MECOM: variants seen among roughly 807,000 people sequenced by gnomAD.
The protein encoded by MECOM is MDS1 and EVI1 complex locus, also known as histone-lysine N-methyltransferase MECOM.
Under a neutral mutation model 116.3 loss-of-function variants are expected in MECOM, and 13 were observed. The observed-to-expected ratio is 0.11, with a 90% CI of 0.07 to 0.18. MECOM has a LOEUF of 0.18. MECOM is among the 10% of genes least tolerant of loss of function. MECOM has a pLI of 1.00. For missense variants in MECOM, 1,299 were observed against 1,509.0 expected, an observed-to-expected ratio of 0.86 and a Z score of 2.31; for synonymous variants, 528 against 535.2, an observed-to-expected ratio of 0.99 and a Z score of 0.19.
chr3:169,255,433 G>A (rs894981734), intron 2 of MECOM, among the ~76,000 whole-genome samples: 106 of 151,896 alleles, frequency 7.0e-4, no homozygotes, highest in African/African-American at 2.4e-3. Flanking sequence ...CTCTCATAGC[G>A]AGGAACATAG....
At chr3:169,476,990 T>A (rs1750499662) in intron 1 of MECOM, 1 of 150,718 alleles carries the variant, frequency 6.6e-6, no homozygotes, top group African/African-American at 2.4e-5. Context: ...TACCTGCTGC[T>A]ATGGATAAAA....
intron 2 of MECOM, among the ~76,000 whole-genome samples, chr3:169,149,083 T>C (rs946016100): frequency 1.3e-5 from 2 of 151,402 alleles, no homozygotes; most frequent in Non-Finnish European, 2.9e-5. Context: ...CTTTCTTTTT[T>C]TTTTTTTTTT....
At chr3:169,244,684 A>G (rs1487592326) in intron 2 of MECOM, among the ~76,000 whole-genome samples, 1 of 152,214 alleles carries the variant, frequency 6.6e-6, no homozygotes, top group African/African-American at 2.4e-5. Flanking sequence ...AGAACCTACC[A>G]GAGTCTGTGA....
At chr3:169,143,488 T>C (rs1182416890) in intron 3 of MECOM, among the ~76,000 whole-genome samples, 3 of 152,156 alleles carry the variant, frequency 2.0e-5, no homozygotes, top group Non-Finnish European at 4.4e-5. Flanking sequence ...AGGATACTAG[T>C]ACAAACTGAA....
intron 1 of MECOM, among the ~76,000 whole-genome samples, chr3:169,581,017 C>A (rs1765065578): frequency 6.6e-6 from 1 of 152,118 alleles, no homozygotes; most frequent in African/African-American, 2.4e-5. Flanking sequence ...AACACCAACA[C>A]CAACACCAGA....
intron 2 of MECOM, among the ~76,000 whole-genome samples, chr3:169,340,356 A>G (rs193083455): frequency 1.3e-5 from 2 of 152,276 alleles, no homozygotes; most frequent in Admixed American, 1.3e-4. Flanking sequence ...TCCACCTTCA[A>G]ATAGGCTCTG....
At chr3:169,629,201 A>G (rs987840979) in intron 1 of MECOM, among the ~76,000 whole-genome samples, 2 of 149,874 alleles carry the variant, frequency 1.3e-5, no homozygotes, top group African/African-American at 4.9e-5. Flanking sequence ...TGGTATATTT[A>G]TGATGTTTAC....
At chr3:169,531,610 T>C (rs1758638900) in intron 1 of MECOM, among the ~76,000 whole-genome samples, 1 of 152,144 alleles carries the variant, frequency 6.6e-6, no homozygotes, top group African/African-American at 2.4e-5. Flanking sequence ...TAACTCCTGG[T>C]ACAAGTGCGC....
chr3:169,239,228 T>C (rs1195513494), intron 2 of MECOM, among the ~76,000 whole-genome samples: 2 of 152,136 alleles, frequency 1.3e-5, no homozygotes, highest in Admixed American at 1.3e-4. Context: ...GTAATCAAAA[T>C]AGTCAGATAT....
At chr3:169,097,335 T>C (rs922255118) in intron 12 of MECOM, among the ~76,000 whole-genome samples, 1 of 152,094 alleles carries the variant, frequency 6.6e-6, no homozygotes, top group Non-Finnish European at 1.5e-5. Context: ...GCTAAAGTCT[T>C]GGCCAGAAAA....
intron 2 of MECOM, among the ~76,000 whole-genome samples, chr3:169,340,182 C>G (rs1247375904): frequency 2.0e-5 from 3 of 152,124 alleles, no homozygotes; most frequent in African/African-American, 7.2e-5. Context: ...AAATGCATCA[C>G]AAACAAAAAT....
chr3:169,637,648 C>G (rs890841157), intron 1 of MECOM, among the ~76,000 whole-genome samples: 3 of 152,220 alleles, frequency 2.0e-5, no homozygotes, highest in African/African-American at 7.2e-5. Context: ...TCTTACGTAA[C>G]TGCAAATTCA....
intron 1 of MECOM, among the ~76,000 whole-genome samples, chr3:169,490,644 C>A (rs555373849): frequency 6.6e-6 from 1 of 151,862 alleles, no homozygotes; most frequent in African/African-American, 2.4e-5. Context: ...TAAAACATGC[C>A]AAAAGAGAAT....
chr3:169,088,328 G>A (rs1228466467), intron 16 of MECOM, among the ~76,000 whole-genome samples: 1 of 152,110 alleles, frequency 6.6e-6, no homozygotes, highest in Non-Finnish European at 1.5e-5. Context: ...TCTTTTAATT[G>A]CTATTTATGG....
In MECOM at chr3:169,312,493, C is replaced by T. The variant is rs112204170; in HGVS notation, c.375+68694G>A. Among the ~76,000 whole-genome samples the T allele has an allele frequency of 2.0e-3, 304 of 151,800 alleles. 1 individual carries two copies. The Middle Eastern group carries it at 0.021, about 10-fold the overall frequency. ...ACGCCATTCTCCTGCCTCAGCCTCC[C>T]GAGTAGCTGGGACCACAGGTGCCCG... On this transcript the variant is annotated intron_variant, in intron 2 of 16. Coordinates refer to ENST00000651503, the MANE Select transcript of MECOM (RefSeq NM_004991.4).
chr3:169,571,701 A>G (rs145299456), intron 1 of MECOM, among the ~76,000 whole-genome samples: 12,372 of 152,246 alleles, frequency 0.081, 587 homozygotes, highest in Middle Eastern at 0.16. Flanking sequence ...ATCTACAACC[A>G]TCTGATCTTT....
Position 169,325,912 on chromosome 3 carries a change from T to C in MECOM, c.375+55275A>G, listed in dbSNP as rs9290365. ...AACAAACATTTCAGCTTCCATAATG[T>C]GTAGCACTAAATTCAACAACCCTGT... On this transcript the variant is annotated intron_variant, in intron 2 of 16. Transcript: ENST00000651503. Among the ~76,000 whole-genome samples, 942 of 152,318 alleles carry C rather than the reference T, an allele frequency of 6.2e-3. 8 individuals are homozygous for C. Among genetic ancestry groups the C allele is most frequent in the African/African-American group, 0.022 (913 of 41,560 alleles).
At chr3:169,396,448 T>C (rs1227293870) in intron 1 of MECOM, among the ~76,000 whole-genome samples, 1 of 152,220 alleles carries the variant, frequency 6.6e-6, no homozygotes, top group Non-Finnish European at 1.5e-5. Context: ...AAACACTTGA[T>C]ACAACAAGTA....
intron 2 of MECOM, among the ~76,000 whole-genome samples, chr3:169,162,767 C>G (rs1166608071): frequency 6.6e-6 from 1 of 152,032 alleles, no homozygotes; most frequent in Non-Finnish European, 1.5e-5. Context: ...TTCCAATATA[C>G]CAGACAGTTT....
Sources: gnomAD v4.1 joint callset for allele counts (sites outside exome capture counted in the v4.1 genomes callset) on GRCh38, gnomAD v4.1.1 for gene constraint, MANE v1.5 for transcripts, NCBI Gene and HGNC (gene_info 2026-07-23, HGNC 2026-07-21) for gene names.